PHGR1: variants seen among roughly 807,000 people sequenced by gnomAD.
PHGR1 encodes proline, histidine and glycine-rich protein 1.
Under a neutral mutation model 4.9 loss-of-function variants are expected in PHGR1, and 3 were observed. That is an observed-to-expected ratio of 0.61 (90% CI 0.28 to 1.58). The LOEUF is 1.58. Among genes scored for constraint, PHGR1 ranks in the 40% most tolerant of loss-of-function variants. The probability of loss-of-function intolerance (pLI) is 0.11; values close to 1 mark genes in which losing one functional copy is unlikely to be tolerated. For synonymous variants in PHGR1, 32 were observed against 46.1 expected (o/e 0.69, Z 1.24); for missense variants, 81 against 118.7 (o/e 0.68, Z 1.48).
chr15:40,353,110 GGTGTGTGTGTGTGTGTGTGTGTGT>G, intron 1 of PHGR1, 98 bp from the exon 2 acceptor site: 2 of 564,508 alleles, frequency 3.5e-6, no homozygotes, highest in Non-Finnish European at 3.0e-6. Context: ...TCCTTTGAAG[GGTGTGTGTGTGTGTGTGTGTGTGT>G]GTGTGTGTGT....
Position 40,353,223 on chromosome 15 carries a change from T to G in PHGR1, c.-26-9T>G. The G allele has an allele frequency of 6.4e-7, 1 of 1,550,946 alleles. No homozygotes were observed. Among genetic ancestry groups the G allele is most frequent in the Non-Finnish European group, 8.7e-7 (1 of 1,146,582 alleles). ...TTACAGTAAATTAAAAGTTACCTTT[T>G]GAACACAGGTATTCCCTGCTCTTAC... On this transcript the variant is annotated splice_polypyrimidine_tract_variant and intron_variant, in intron 1 of 3. Coordinates refer to ENST00000448599, the MANE Select transcript of PHGR1 (RefSeq NM_001145643.2).
intron 3 of PHGR1, among the ~76,000 whole-genome samples, chr15:40,355,020 G>C (rs971899602): frequency 6.6e-6 from 1 of 152,148 alleles, no homozygotes; most frequent in African/African-American, 2.4e-5. Context: ...CAAGCCCTAG[G>C]AGGCAGAAGG....
intron 1 of PHGR1, among the ~76,000 whole-genome samples, chr15:40,352,588 G>A (rs1165108077): frequency 6.6e-6 from 1 of 152,134 alleles, no homozygotes; most frequent in Non-Finnish European, 1.5e-5. Context: ...TCCAATCCTG[G>A]TGGGAGGAGA....
In PHGR1 at chr15:40,356,234, T is replaced by C; in HGVS notation, c.180T>C (p.His60=). The C allele has an allele frequency of 7.0e-7, 1 of 1,429,464 alleles. No homozygotes were observed. Among genetic ancestry groups the C allele is most frequent in the Non-Finnish European group, 9.3e-7 (1 of 1,076,826 alleles). 88.5% of individuals were successfully genotyped at this position (1,429,464 alleles called of 1,614,324 possible). Residue 60 remains histidine (H), a synonymous_variant, in exon 4 of 4, where the codon CAT becomes CAC. Coordinates refer to ENST00000448599, the MANE Select transcript of PHGR1 (RefSeq NM_001145643.2). ...GGCCCTGCGGGCCACCCCCCCACCA[T>C]GGTCCAGGGCCCTGCGGGCCTCCCC... is the stretch of plus-strand genomic sequence containing the variant. The part of the protein sequence containing the change: ...GPGPCGPPPH[H]GPGPCGPPPG...
chr15:40,353,057 T>C (rs1158471231), intron 1 of PHGR1, among the ~76,000 whole-genome samples, 175 bp from the exon 2 acceptor site: 2 of 151,826 alleles, frequency 1.3e-5, no homozygotes, highest in Admixed American at 6.6e-5. Flanking sequence ...CAGCTCTATA[T>C]TGGGGCCAAG....
chr15:40,353,380 G>GT, intron 2 of PHGR1, 113 bp downstream of exon 2: 2 of 1,359,832 alleles, frequency 1.5e-6, no homozygotes, highest in Non-Finnish European at 2.0e-6. Flanking sequence ...ATGTACGTGC[G>GT]TGTGTGTTTG....
chr15:40,354,265 C>T, intron 2 of PHGR1, 80 bp from the exon 3 acceptor site: 1 of 1,479,682 alleles, frequency 6.8e-7, no homozygotes, highest in South Asian at 1.2e-5. Flanking sequence ...ATCCTTAGTG[C>T]CAGGGAGAAG....
chr15:40,355,986 C>A, intron 3 of PHGR1, 87 bp from the exon 4 acceptor site: 1 of 1,370,434 alleles, frequency 7.3e-7, no homozygotes, highest in South Asian at 1.2e-5. Flanking sequence ...CCTGAGTCCC[C>A]CAGGGAAGTG....
At chr15:40,355,153 G>C (rs529012112) in intron 3 of PHGR1, among the ~76,000 whole-genome samples, 1 of 150,718 alleles carries the variant, frequency 6.6e-6, no homozygotes, top group Admixed American at 6.6e-5. Context: ...CCCTGGGCTT[G>C]TGGCAAAAAG....
chr15:40,353,146 TGC>T (rs1555399083), intron 1 of PHGR1, 84 bp from the exon 2 acceptor site: 588 of 773,388 alleles, frequency 7.6e-4, no homozygotes, highest in Middle Eastern at 1.2e-3. Context: ...TGTGTGTGTG[TGC>T]GCGCGCGCGC....
chr15:40,351,741 C>CA (rs924698851), intron 1 of PHGR1, among the ~76,000 whole-genome samples: 1 of 151,518 alleles, frequency 6.6e-6, no homozygotes, highest in African/African-American at 2.4e-5. Context: ...CTCTACAAAA[C>CA]AATTTTTTTT....
intron 2 of PHGR1, chr15:40,353,803 G>A (rs1025119594): frequency 2.8e-4 from 51 of 182,708 alleles, no homozygotes; most frequent in South Asian, 1.2e-4. Context: ...AGGGCAACAC[G>A]CAGCTGCTCC....
intron 2 of PHGR1, chr15:40,353,802 C>G (rs1889246937): frequency 1.1e-5 from 2 of 182,244 alleles, no homozygotes; most frequent in African/African-American, 4.7e-5. Flanking sequence ...GAGGGCAACA[C>G]GCAGCTGCTC....
At position 40,356,331 on chromosome 15, in the gene PHGR1, T is replaced by G. The variant is rs1253147285; in HGVS notation, c.*28T>G. On this transcript the variant is annotated 3_prime_UTR_variant, in exon 4 of 4. Transcript: ENST00000448599. The stretch of plus-strand genomic sequence containing the variant: ...AAGTAGAAGAAAACAGGACACAAGA[T>G]GGCAAGCCTGAGAGAATTGCCCAGC... 11 of 1,549,502 alleles carry G rather than the reference T, an allele frequency of 7.1e-6. No homozygotes were observed. In the South Asian group the frequency reaches 1.2e-4, roughly 17 times the overall value.
rs570745329 is a variant in PHGR1 at position 40,353,027 on chromosome 15, A to G, written c.-26-205A>G. On this transcript the variant is annotated intron_variant, in intron 1 of 3. Transcript: ENST00000448599. ...AACCCGCTGTGTCCATTTAACCCCCATGCCTGGCACCTACAGTGCCAGCTC... is the reference window on the plus strand; with the variant it reads ...AACCCGCTGTGTCCATTTAACCCCCGTGCCTGGCACCTACAGTGCCAGCTC... Among the ~76,000 whole-genome samples, 8 of 151,800 alleles carry G rather than the reference A, an allele frequency of 5.3e-5. No homozygotes were observed. The South Asian group carries it at 1.7e-3, about 32-fold the overall frequency.
At chr15:40,351,919 T>A (rs1208488045) in intron 1 of PHGR1, among the ~76,000 whole-genome samples, 1 of 152,162 alleles carries the variant, frequency 6.6e-6, no homozygotes, top group African/African-American at 2.4e-5. Context: ...GTATTTTTAG[T>A]AGAGACGGGG....
At chr15:40,353,375 C>T (rs1170814410) in intron 2 of PHGR1, 108 bp downstream of exon 2, 46 of 1,393,538 alleles carry the variant, frequency 3.3e-5, no homozygotes, top group South Asian at 5.0e-5. Context: ...CAAAAATGTA[C>T]GTGCGTGTGT....
intron 1 of PHGR1, among the ~76,000 whole-genome samples, chr15:40,352,117 T>C (rs1889214208): frequency 6.6e-6 from 1 of 152,090 alleles, no homozygotes; most frequent in African/African-American, 2.4e-5. Flanking sequence ...GTGGGAGGAT[T>C]GCTTGAACCC....
chr15:40,354,209 T>G, intron 2 of PHGR1, 136 bp from the exon 3 acceptor site: 2 of 846,442 alleles, frequency 2.4e-6, no homozygotes, highest in Non-Finnish European at 3.7e-6. Flanking sequence ...GTCAGGCAAG[T>G]GACCATGTCT....
Sources: gnomAD v4.1 joint callset for allele counts (sites outside exome capture counted in the v4.1 genomes callset) on GRCh38, gnomAD v4.1.1 for gene constraint, MANE v1.5 for transcripts, NCBI Gene and HGNC (gene_info 2026-07-23, HGNC 2026-07-21) for gene names.